KCNIP1: variants seen among roughly 807,000 people sequenced by gnomAD.
KCNIP1 encodes the protein potassium voltage-gated channel interacting protein 1, also known as A-type potassium channel modulatory protein KCNIP1.
Under a neutral mutation model 33.0 loss-of-function variants are expected in KCNIP1, and 18 were observed. The ratio of observed to expected loss-of-function variants is 0.55; its 90% CI spans 0.38 to 0.81. The LOEUF is 0.81. Ranked by LOEUF, KCNIP1 falls within the 30% of genes least tolerant of loss-of-function variation. The probability of loss-of-function intolerance (pLI) is 0.00; values close to 1 mark genes in which losing one functional copy is unlikely to be tolerated. For missense variants in KCNIP1, 238 were observed against 271.6 expected, an observed-to-expected ratio of 0.88 and a Z score of 0.87; for synonymous variants, 93 against 98.3, an observed-to-expected ratio of 0.95 and a Z score of 0.32.
chr5:170,448,368 C>T (rs13181736), intron 1 of KCNIP1, among the ~76,000 whole-genome samples: 11,277 of 152,296 alleles, frequency 0.074, 405 homozygotes, highest in African/African-American at 0.085. Context: ...CGCCAGGCCC[C>T]GTGTCCTCTT....
At chr5:170,585,865 C>T (rs1007534374) in intron 1 of KCNIP1, among the ~76,000 whole-genome samples, 3 of 152,228 alleles carry the variant, frequency 2.0e-5, no homozygotes, top group African/African-American at 7.2e-5. Context: ...TGCTTTAGAG[C>T]ACTCTGCATC....
At chr5:170,360,600 C>G (rs1763482219) in intron 1 of KCNIP1, among the ~76,000 whole-genome samples, 1 of 152,220 alleles carries the variant, frequency 6.6e-6, no homozygotes, top group South Asian at 2.1e-4. Flanking sequence ...CTTCCCAGCT[C>G]CTATCCAGAT....
chr5:170,398,756 C>A (rs1352385283), intron 1 of KCNIP1, among the ~76,000 whole-genome samples: 7 of 152,196 alleles, frequency 4.6e-5, no homozygotes, highest in Non-Finnish European at 8.8e-5. Flanking sequence ...GAATGCCCCA[C>A]CCCAATCCCT....
At chr5:170,358,818 C>T (rs184047995) in intron 1 of KCNIP1, among the ~76,000 whole-genome samples, 473 of 152,280 alleles carry the variant, frequency 3.1e-3, no homozygotes, top group Non-Finnish European at 5.5e-3. Context: ...AGTGTCGTGG[C>T]TCCCCTGGTG....
intron 1 of KCNIP1, among the ~76,000 whole-genome samples, chr5:170,405,286 C>T (rs978348933): frequency 6.6e-6 from 1 of 152,088 alleles, no homozygotes; most frequent in Admixed American, 6.5e-5. Context: ...CCTCCGCCTC[C>T]AGGTATCAAG....
chr5:170,651,547 A>G (rs145045200), intron 1 of KCNIP1, among the ~76,000 whole-genome samples: 5 of 152,278 alleles, frequency 3.3e-5, no homozygotes, highest in Non-Finnish European at 5.9e-5. Context: ...CCATCAGTCA[A>G]TGGTGCAGCC....
intron 1 of KCNIP1, among the ~76,000 whole-genome samples, chr5:170,683,241 T>G (rs552701421): frequency 6.6e-6 from 1 of 152,322 alleles, no homozygotes; most frequent in Admixed American, 6.5e-5. Context: ...ATACATGAGT[T>G]AATATAAACC....
intron 1 of KCNIP1, among the ~76,000 whole-genome samples, chr5:170,371,076 A>G (rs1339097025): frequency 2.0e-5 from 3 of 152,122 alleles, no homozygotes; most frequent in Non-Finnish European, 2.9e-5. Context: ...AGGCGGGTGC[A>G]TTTGCTGAGA....
At chr5:170,387,477 C>T (rs990957208) in intron 1 of KCNIP1, among the ~76,000 whole-genome samples, 2 of 152,190 alleles carry the variant, frequency 1.3e-5, no homozygotes, top group Admixed American at 1.3e-4. Context: ...TCAGGCACCA[C>T]GGATACCCAT....
At chr5:170,647,727 T>C (rs1389435894) in intron 1 of KCNIP1, among the ~76,000 whole-genome samples, 1 of 152,172 alleles carries the variant, frequency 6.6e-6, no homozygotes, top group East Asian at 1.9e-4. Context: ...GCAGTGACTT[T>C]CTAGATATAA....
upstream of KCNIP1, among the ~76,000 whole-genome samples, chr5:170,500,783 G>A (rs963446110): frequency 1.2e-4 from 18 of 152,342 alleles, no homozygotes; most frequent in African/African-American, 3.8e-4. Flanking sequence ...GTCACAAGGC[G>A]TCCGCAGGAA....
intron 1 of KCNIP1, among the ~76,000 whole-genome samples, chr5:170,589,665 G>C (rs966756649): frequency 6.6e-6 from 1 of 152,134 alleles, no homozygotes; most frequent in Admixed American, 6.5e-5. Flanking sequence ...GCACAGACTC[G>C]AATGAAAGGA....
At chr5:170,659,411 C>A (rs1240860938) in intron 1 of KCNIP1, among the ~76,000 whole-genome samples, 1 of 152,152 alleles carries the variant, frequency 6.6e-6, no homozygotes, top group African/African-American at 2.4e-5. Context: ...CTTCAAGAAT[C>A]TTGGCCTTTA....
At chr5:170,662,469 G>A (rs190681720) in intron 1 of KCNIP1, among the ~76,000 whole-genome samples, 16 of 152,178 alleles carry the variant, frequency 1.1e-4, no homozygotes, top group Admixed American at 1.3e-4. Context: ...CCAGGTCTCC[G>A]CTCATCCTTC....
At chr5:170,478,451 G>T (rs1756904065) in intron 1 of KCNIP1, among the ~76,000 whole-genome samples, 1 of 152,132 alleles carries the variant, frequency 6.6e-6, no homozygotes. Flanking sequence ...GTTAATGGCA[G>T]TCCTGATGGA....
chr5:170,394,903 C>T (rs1196322339), intron 1 of KCNIP1, among the ~76,000 whole-genome samples: 3 of 152,172 alleles, frequency 2.0e-5, no homozygotes, highest in African/African-American at 7.2e-5. Flanking sequence ...CCAGCTGTAT[C>T]CATCTTGCTG....
chr5:170,673,733 G>A (rs1762012359), intron 1 of KCNIP1, among the ~76,000 whole-genome samples: 1 of 152,118 alleles, frequency 6.6e-6, no homozygotes, highest in South Asian at 2.1e-4. Flanking sequence ...TGTCCTCGCA[G>A]GGAGATATAA....
chr5:170,707,178 A>G (rs868762551), intron 1 of KCNIP1, among the ~76,000 whole-genome samples: 13 of 143,594 alleles, frequency 9.1e-5, no homozygotes, highest in Admixed American at 2.7e-4. Flanking sequence ...AAAAAAAAAA[A>G]TCATCCCAGG....
At chr5:170,621,999 G>A (rs772504453) in intron 1 of KCNIP1, among the ~76,000 whole-genome samples, 14 of 152,124 alleles carry the variant, frequency 9.2e-5, no homozygotes, top group Admixed American at 2.0e-4. Flanking sequence ...AAGCAGCCGT[G>A]TGACTTGCAG....
Sources: allele counts gnomAD v4.1 joint callset (sites outside exome capture counted in the v4.1 genomes callset), GRCh38; gene constraint gnomAD v4.1.1; transcripts MANE v1.5; gene names NCBI Gene and HGNC (gene_info 2026-07-23, HGNC 2026-07-21).